Variants in ANO6 observed in about 807,000 individuals in gnomAD.
The protein encoded by ANO6 is anoctamin-6.
Under a neutral mutation model 117.5 loss-of-function variants are expected in ANO6, and 106 were observed. The ratio of observed to expected loss-of-function variants is 0.90; its 90% confidence interval spans 0.77 to 1.06. The LOEUF (loss-of-function observed/expected upper bound fraction) is 1.06. Ranked by LOEUF, ANO6 falls within the 50% of genes least tolerant of loss-of-function variation. The pLI is 0.00. For missense variants in ANO6, 955 were observed against 1,121.1 expected (o/e 0.85, Z 2.12); for synonymous variants, 367 against 385.1 (o/e 0.95, Z 0.55).
intron 1 of ANO6, among the ~76,000 whole-genome samples, chr12:45,225,983 T>G (rs1947477140): frequency 6.6e-6 from 1 of 152,256 alleles, no homozygotes; most frequent in African/African-American, 2.4e-5. Flanking sequence ...GCCAAATGAT[T>G]GTCTTATGAC....
At chr12:45,359,752 A>G (rs1249945206) in intron 8 of ANO6, among the ~76,000 whole-genome samples, 3 of 152,218 alleles carry the variant, frequency 2.0e-5, no homozygotes, top group African/African-American at 2.4e-5. Flanking sequence ...ATGAACATTC[A>G]TGGACAAGTT....
chr12:45,248,756 T>A (rs937635730), intron 1 of ANO6, among the ~76,000 whole-genome samples: 2 of 152,084 alleles, frequency 1.3e-5, no homozygotes, highest in African/African-American at 2.4e-5. Flanking sequence ...AAACAGGAAT[T>A]TGGAGTCAAC....
chr12:45,275,633 T>G (rs1163783855), intron 1 of ANO6, among the ~76,000 whole-genome samples: 1 of 152,232 alleles, frequency 6.6e-6, no homozygotes, highest in Non-Finnish European at 1.5e-5. Context: ...CTGAAATTGA[T>G]TGTGGCAGAG....
At chr12:45,436,719 G>GC (rs1943710837), downstream of ANO6, among the ~76,000 whole-genome samples, 1 of 152,176 alleles carries the variant, frequency 6.6e-6, no homozygotes. Context: ...TGTAATCCCA[G>GC]CACTTTGGGA....
At chr12:45,274,304 T>G (rs1195694838) in intron 1 of ANO6, among the ~76,000 whole-genome samples, 1 of 152,220 alleles carries the variant, frequency 6.6e-6, no homozygotes, top group African/African-American at 2.4e-5. Flanking sequence ...GTTTAGTAGA[T>G]GAGTTGAACT....
At chr12:45,297,264 C>G (rs1023914304) in intron 1 of ANO6, among the ~76,000 whole-genome samples, 1 of 152,162 alleles carries the variant, frequency 6.6e-6, no homozygotes, top group African/African-American at 2.4e-5. Context: ...ACCTGCCATG[C>G]TAGTGCTAAG....
chr12:45,409,377 G>C lies in ANO6; in HGVS notation c.1901G>C (p.Gly634Ala), dbSNP rs776562251. The C allele has an allele frequency of 2.5e-6, 4 of 1,613,778 alleles. No individual in the cohort carries two copies. The highest frequency in any genetic ancestry group is 3.4e-6 in the Non-Finnish European group (4 of 1,179,920). The change falls in exon 16 of 20, where the codon GGG becomes GCG. Residue 634 changes from glycine to alanine, a missense_variant. Transcript: ENST00000320560. ...VLLPWIMNLI[G>A]RFHRVSGSEK... ...GGCAGCTGGATCATGAATCTAATTG[G>C]GCGATTTCACAGAGTTTCTGGATCA...
intron 10 of ANO6, among the ~76,000 whole-genome samples, chr12:45,385,665 A>T (rs1942279109): frequency 6.6e-6 from 1 of 152,160 alleles, no homozygotes. Flanking sequence ...GGTGCCCTCT[A>T]GATTTCCATC....
At position 45,364,669 on chromosome 12, in the gene ANO6, T is replaced by C. The variant is rs144898060; in HGVS notation, c.999-3019T>C. On this transcript the variant is annotated intron_variant, in intron 8 of 19. Transcript: ENST00000320560. The stretch of plus-strand genomic sequence containing the variant: ...TTCCTATCTCTATTGATATTCTCTT[T>C]GTTGTGCTTCCTTTAATTCTTTAGG... Among the ~76,000 whole-genome samples the C allele has an allele frequency of 3.0e-4, 45 of 152,354 alleles. No homozygotes were observed. In the East Asian group the frequency reaches 6.5e-3, roughly 22 times the overall value.
At chr12:45,335,571 G>A (rs766792995) in intron 3 of ANO6, 1 of 151,946 alleles carries the variant, frequency 6.6e-6, no homozygotes, top group African/African-American at 2.4e-5. Flanking sequence ...CTGACTTGAC[G>A]TTCAAAAGAA....
chr12:45,346,232 C>T (rs189729928), intron 3 of ANO6, among the ~76,000 whole-genome samples: 2 of 152,156 alleles, frequency 1.3e-5, no homozygotes, highest in African/African-American at 4.8e-5. Context: ...TCATTTTCTT[C>T]ATTTCACAAA....
chr12:45,232,612 C>T (rs139235737), intron 1 of ANO6, among the ~76,000 whole-genome samples: 3 of 152,268 alleles, frequency 2.0e-5, no homozygotes, highest in East Asian at 1.9e-4. Context: ...TAGATTACTG[C>T]GTAAAACACC....
At chr12:45,337,192 AC>A (rs1379814282) in intron 3 of ANO6, among the ~76,000 whole-genome samples, 9 of 152,096 alleles carry the variant, frequency 5.9e-5, no homozygotes, top group African/African-American at 2.2e-4. Flanking sequence ...GTCACCACTC[AC>A]TTGCTGACTC....
rs756326948 is a variant in ANO6 at position 45,409,434 on chromosome 12, A to G, written c.1958A>G (p.Tyr653Cys). Residue 653 changes from tyrosine (Y) to cysteine (C), a missense_variant, in exon 16 of 20, where the codon TAC becomes TGC. By Grantham distance (194) the Tyr-to-Cys change is radical (BLOSUM62 -2). Coordinates refer to ENST00000320560, the MANE Select transcript of ANO6 (RefSeq NM_001025356.3). The stretch of plus-strand genomic sequence containing the variant: ...ATAACCCCACGATGGGAACAGGACT[A>G]CCATCTGCAGCCTATGGGCAAACTG... ...EKITPRWEQD[Y>C]HLQPMGKLGL... The G allele has an allele frequency of 1.2e-6, 2 of 1,614,020 alleles. No homozygotes were observed. The highest frequency in any genetic ancestry group is 2.2e-5 in the South Asian group (2 of 91,070).
At chr12:45,336,644 T>C (rs956132459) in intron 3 of ANO6, among the ~76,000 whole-genome samples, 3 of 152,108 alleles carry the variant, frequency 2.0e-5, no homozygotes, top group African/African-American at 4.8e-5. Context: ...TATAAAAATA[T>C]AGCACATACA....
rs758732489 is a variant in ANO6 at position 45,301,996 on chromosome 12, AT to A, written c.71-17del. The A allele has an allele frequency of 5.4e-5, 87 of 1,609,696 alleles. No individual in the cohort carries two copies. The Admixed American group carries it at 1.0e-3, about 19-fold the overall frequency. ...GCAGGTTCATGCTTCATTTGTTTAT[AT>A]ATTCATTCGTTTTTAGTGTTGGAAA... is the stretch of plus-strand genomic sequence containing the variant. On this transcript the variant is annotated splice_polypyrimidine_tract_variant and intron_variant, in intron 1 of 19. Coordinates refer to ENST00000320560, the MANE Select transcript of ANO6 (RefSeq NM_001025356.3).
At chr12:45,303,601 G>A (rs980355731) in intron 2 of ANO6, among the ~76,000 whole-genome samples, 1 of 152,210 alleles carries the variant, frequency 6.6e-6, no homozygotes, top group Non-Finnish European at 1.5e-5. Context: ...GTATTGCGAT[G>A]TTGCAGACTG....
chr12:45,421,126 C>A lies in ANO6; in HGVS notation c.2273C>A (p.Ser758Tyr). Residue 758 changes from serine (S) to tyrosine (Y), a missense_variant, in exon 18 of 20, where the codon TCC (serine) becomes TAC (tyrosine). Coordinates refer to ENST00000320560, the MANE Select transcript of ANO6 (RefSeq NM_001025356.3). ...DMIPRLVYYW[S>Y]FSVPPYGDHT... Reference sequence around the variant, plus strand: ...ATCCCCCGCCTAGTGTACTACTGGTCCTTCTCCGTCCCTCCCTACGGGGAC... The same window carrying A: ...ATCCCCCGCCTAGTGTACTACTGGTACTTCTCCGTCCCTCCCTACGGGGAC... The A allele has an allele frequency of 5.0e-6, 8 of 1,614,186 alleles. No homozygotes were observed. The highest frequency in any genetic ancestry group is 6.8e-6 in the Non-Finnish European group (8 of 1,180,018).
rs1437916577 is a variant in ANO6 at position 45,431,909 on chromosome 12, CAG to C, written c.*2599_*2600del. The C allele has an allele frequency of 7.1e-6, 7 of 985,196 alleles. No individual in the cohort carries two copies. The highest frequency in any genetic ancestry group is 8.4e-6 in the Non-Finnish European group (7 of 829,862). The allele number at this position is 985,196 out of a possible 1,614,324, so 61.0% of individuals were successfully genotyped here. A position where few individuals can be genotyped will look rare whatever the true frequency, so the allele number is the denominator to read the frequency against. ...ATATTGAAACATTAGAGCAAATACT[CAG>C]GGGATTTTTCATTAAACATCCCTCA... is the stretch of plus-strand genomic sequence containing the variant. On this transcript the variant is annotated 3_prime_UTR_variant, in exon 20 of 20. Coordinates refer to ENST00000320560, the MANE Select transcript of ANO6 (RefSeq NM_001025356.3).
Sources: gnomAD v4.1 joint callset for allele counts (sites outside exome capture counted in the v4.1 genomes callset) on GRCh38, gnomAD v4.1.1 for gene constraint, MANE v1.5 for transcripts, NCBI Gene and HGNC (gene_info 2026-07-23, HGNC 2026-07-21) for gene names.